HNRNPA1L2: variants seen among roughly 807,000 people sequenced by gnomAD.
The protein encoded by HNRNPA1L2 is heterogeneous nuclear ribonucleoprotein A1 like 2, also known as heterogeneous nuclear ribonucleoprotein A1-like 2.
In HNRNPA1L2, 10 loss-of-function variants were observed where a neutral mutation model predicts 18.2. That is an observed-to-expected ratio of 0.55 (90% CI 0.34 to 0.93). HNRNPA1L2 has a LOEUF of 0.93. Ranked by LOEUF, HNRNPA1L2 falls within the 40% of genes least tolerant of loss-of-function variation. The pLI, the probability that HNRNPA1L2 is intolerant of heterozygous loss-of-function variation, is 0.02. For synonymous variants in HNRNPA1L2, 124 were observed against 138.6 expected (o/e 0.89, Z 0.74); for missense variants, 308 against 394.4 (o/e 0.78, Z 1.85).
chr13:52,642,935 T>C lies in HNRNPA1L2; in HGVS notation c.443T>C (p.Phe148Ser). ...TDRGSGKKRG[F>S]AFVTFDDHDS... ...CGAGGCAGTGGCAAGAAAAGGGGCT[T>C]TGCCTTTGTAACCTTTGACGACCAT... Residue 148 changes from phenylalanine (F) to serine (S), a missense_variant, in exon 1 of 1, where the codon TTT becomes TCT. Physicochemically the swap from Phe to Ser is radical, Grantham distance 155 (BLOSUM62 -2). Coordinates refer to ENST00000357495, the MANE Select transcript of HNRNPA1L2 (RefSeq NM_001389320.1). 1 of 1,597,094 alleles carries C rather than the reference T, an allele frequency of 6.3e-7. No homozygotes were observed. The highest frequency in any genetic ancestry group is 8.5e-7 in the Non-Finnish European group (1 of 1,179,790).
chr13:52,639,859 G>C (rs58086737), upstream of HNRNPA1L2, among the ~76,000 whole-genome samples: 1 of 147,584 alleles, frequency 6.8e-6, no homozygotes, highest in Admixed American at 6.7e-5. Flanking sequence ...AACTATTTCA[G>C]AGTTAATGTT....
the HNRNPA1L2 span, among the ~76,000 whole-genome samples, chr13:52,626,960 G>C: frequency 1.6e-4 from 25 of 152,160 alleles, no homozygotes; most frequent in African/African-American, 5.8e-4. Context: ...TCTTTCACTT[G>C]CTCTAATATC....
At chr13:52,636,831 A>G in the HNRNPA1L2 span, among the ~76,000 whole-genome samples, 1 of 151,912 alleles carries the variant, frequency 6.6e-6, no homozygotes, top group East Asian at 1.9e-4. Context: ...TATAGTCTTT[A>G]TTTATTTATT....
the HNRNPA1L2 span, among the ~76,000 whole-genome samples, chr13:52,619,838 G>A: frequency 2.0e-5 from 3 of 149,920 alleles, no homozygotes; most frequent in African/African-American, 4.9e-5. Flanking sequence ...GGAGAATGGC[G>A]TGAACCCGGG....
At chr13:52,618,802 A>G in the HNRNPA1L2 span, among the ~76,000 whole-genome samples, 9,367 of 152,286 alleles carry the variant, frequency 0.062, 334 homozygotes, top group African/African-American at 0.095. Context: ...CTGATGAGAT[A>G]CTGTCAGTGG....
the HNRNPA1L2 span, among the ~76,000 whole-genome samples, chr13:52,623,521 T>TA: frequency 6.6e-6 from 1 of 152,318 alleles, no homozygotes; most frequent in South Asian, 2.1e-4. Context: ...GTCCTGTGTT[T>TA]AAAAAAGAGG....
At chr13:52,626,573 G>A in the HNRNPA1L2 span, among the ~76,000 whole-genome samples, 207 of 152,026 alleles carry the variant, frequency 1.4e-3, 1 homozygote, top group Non-Finnish European at 4.1e-4. Flanking sequence ...CGCAAAGTAC[G>A]CAAAATGGTA....
At chr13:52,625,208 A>G in the HNRNPA1L2 span, among the ~76,000 whole-genome samples, 1 of 150,858 alleles carries the variant, frequency 6.6e-6, no homozygotes, top group African/African-American at 2.4e-5. Flanking sequence ...TCCGCCTTCT[A>G]GGTTGAAGCG....
the HNRNPA1L2 span, chr13:52,632,309 T>G: frequency 6.6e-6 from 1 of 152,246 alleles, no homozygotes; most frequent in African/African-American, 2.4e-5. Context: ...AGCTAAGATG[T>G]TTGATGTACG....
the HNRNPA1L2 span, among the ~76,000 whole-genome samples, chr13:52,636,911 A>G: frequency 1.3e-5 from 2 of 152,186 alleles, no homozygotes; most frequent in South Asian, 4.2e-4. Context: ...GGCTTACTGT[A>G]ACCTCCGCCT....
the HNRNPA1L2 span, among the ~76,000 whole-genome samples, chr13:52,620,897 CTA>C: frequency 7.2e-5 from 11 of 151,784 alleles, no homozygotes; most frequent in African/African-American, 2.4e-4. Flanking sequence ...AAAATAATTT[CTA>C]TATATATTAA....
the HNRNPA1L2 span, among the ~76,000 whole-genome samples, chr13:52,636,396 A>T: frequency 3.9e-5 from 6 of 152,326 alleles, no homozygotes; most frequent in African/African-American, 1.4e-4. Flanking sequence ...AGCAGCAGTA[A>T]CTGGTCGGAA....
chr13:52,640,288 C>A (rs1961617410), upstream of HNRNPA1L2, among the ~76,000 whole-genome samples: 1 of 152,174 alleles, frequency 6.6e-6, no homozygotes, highest in South Asian at 2.1e-4. Flanking sequence ...CCCATACCTA[C>A]TGAATTTGTA....
At chr13:52,625,849 C>T in the HNRNPA1L2 span, among the ~76,000 whole-genome samples, 1 of 152,132 alleles carries the variant, frequency 6.6e-6, no homozygotes, top group Admixed American at 6.5e-5. Context: ...ACAATCATCA[C>T]TCACTGCAGC....
chr13:52,633,586 AG>A, the HNRNPA1L2 span, among the ~76,000 whole-genome samples: 1 of 152,348 alleles, frequency 6.6e-6, no homozygotes, highest in East Asian at 1.9e-4. Context: ...CTAAGACAAC[AG>A]GATGGCTTGG....
chr13:52,636,243 G>A, the HNRNPA1L2 span, among the ~76,000 whole-genome samples: 24 of 152,298 alleles, frequency 1.6e-4, no homozygotes, highest in East Asian at 4.6e-3. Context: ...GAACTTTCGT[G>A]TACAAGTCTT....
chr13:52,626,601 C>T, the HNRNPA1L2 span, among the ~76,000 whole-genome samples: 1 of 152,100 alleles, frequency 6.6e-6, no homozygotes, highest in Non-Finnish European at 1.5e-5. Flanking sequence ...CCCCTTTATA[C>T]TGTCACCCAG....
upstream of HNRNPA1L2, chr13:52,641,787 C>T (rs1428662210): frequency 2.0e-5 from 3 of 152,130 alleles, no homozygotes; most frequent in Non-Finnish European, 4.4e-5. Flanking sequence ...TCTGCACTCC[C>T]AGACATAATA....
the HNRNPA1L2 span, among the ~76,000 whole-genome samples, chr13:52,634,201 A>G: frequency 2.2e-3 from 330 of 152,334 alleles, no homozygotes; most frequent in African/African-American, 6.2e-3. Context: ...CATAGGGACA[A>G]TGAATCACCT....
Sources: gnomAD v4.1 joint callset for allele counts (sites outside exome capture counted in the v4.1 genomes callset) on GRCh38, gnomAD v4.1.1 for gene constraint, MANE v1.5 for transcripts, NCBI Gene and HGNC (gene_info 2026-07-23, HGNC 2026-07-21) for gene names.